SLC38A1: variants seen among roughly 807,000 people sequenced by gnomAD.
SLC38A1 encodes solute carrier family 38 member 1, also known as sodium-coupled neutral amino acid symporter 1.
Under a neutral mutation model 60.3 loss-of-function variants are expected in SLC38A1, and 18 were observed. The observed-to-expected ratio is 0.30, with a 90% CI of 0.21 to 0.44. The LOEUF (loss-of-function observed/expected upper bound fraction) is 0.44. SLC38A1 is among the 20% of genes least tolerant of loss of function. The pLI is 1.00. For synonymous variants in SLC38A1, 196 were observed against 212.1 expected (o/e 0.92, Z 0.66); for missense variants, 448 against 587.2 (o/e 0.76, Z 2.45).
intron 2 of SLC38A1, among the ~76,000 whole-genome samples, chr12:46,240,347 C>T (rs897351186): frequency 6.6e-6 from 1 of 152,184 alleles, no homozygotes; most frequent in African/African-American, 2.4e-5. Context: ...CAGGCATGCG[C>T]CACCACGCCT....
At chr12:46,241,612 T>C (rs1941451978) in intron 2 of SLC38A1, among the ~76,000 whole-genome samples, 1 of 152,110 alleles carries the variant, frequency 6.6e-6, no homozygotes, top group African/African-American at 2.4e-5. Context: ...CTAACCACAG[T>C]GGTGGTGCTA....
intron 9 of SLC38A1, 53 bp from the exon 10 acceptor site, chr12:46,204,643 T>C (rs1939813570): frequency 7.1e-7 from 1 of 1,415,848 alleles, no homozygotes; most frequent in African/African-American, 1.5e-5. Context: ...TTTTTAAAAA[T>C]TTTGGAGCTA....
intron 5 of SLC38A1, among the ~76,000 whole-genome samples, chr12:46,211,479 A>G (rs931177630): frequency 4.6e-5 from 7 of 152,244 alleles, no homozygotes; most frequent in African/African-American, 1.7e-4. Flanking sequence ...CAAAAGAAAC[A>G]TTCTAAGGAA....
chr12:46,268,922 G>C lies in SLC38A1; in HGVS notation c.-605C>G. 2 of 455,218 alleles carry C rather than the reference G, an allele frequency of 4.4e-6. No homozygotes were observed. Among genetic ancestry groups the C allele is most frequent in the Non-Finnish European group, 4.4e-6 (1 of 226,004 alleles). The allele number at this position is 455,218 out of a possible 1,614,324, so 28.2% of individuals were successfully genotyped here. A position where few individuals can be genotyped will look rare whatever the true frequency, so the allele number is the denominator to read the frequency against. On this transcript the variant is annotated 5_prime_UTR_variant, in exon 1 of 17. Coordinates refer to ENST00000398637, the MANE Select transcript of SLC38A1 (RefSeq NM_030674.4). This position sits in a 1 kb window ranked among gnomAD's most constrained non-coding sequence, Gnocchi z 4.4. Reference sequence around the variant, plus strand: ...CGGAGTCATTCTCCTACTGGGGGACGCGTGGCCCTTCCGCAACCATGGCTT... The same window carrying C: ...CGGAGTCATTCTCCTACTGGGGGACCCGTGGCCCTTCCGCAACCATGGCTT...
intron 4 of SLC38A1, 44 bp downstream of exon 4, chr12:46,229,520 A>G: frequency 6.9e-7 from 1 of 1,441,634 alleles, no homozygotes; most frequent in Non-Finnish European, 9.8e-7. Context: ...GTCCCAATTT[A>G]TATGATTAAA....
At chr12:46,195,275 A>G (rs1939317454) in intron 16 of SLC38A1, among the ~76,000 whole-genome samples, 1 of 152,218 alleles carries the variant, frequency 6.6e-6, no homozygotes, top group Non-Finnish European at 1.5e-5. Context: ...AAGGCTGCAG[A>G]ATAGCAAATA....
At chr12:46,193,839 G>A (rs112247400) in intron 16 of SLC38A1, among the ~76,000 whole-genome samples, 1 of 152,082 alleles carries the variant, frequency 6.6e-6, no homozygotes, top group Non-Finnish European at 1.5e-5. Flanking sequence ...TTGCAAATGA[G>A]ATGGGTCTCC....
chr12:46,217,156 G>A (rs1022312757), intron 5 of SLC38A1, among the ~76,000 whole-genome samples: 1 of 152,066 alleles, frequency 6.6e-6, no homozygotes, highest in Non-Finnish European at 1.5e-5. Flanking sequence ...TCACTTATGA[G>A]TAGTACTATT....
At chr12:46,224,797 T>C (rs1389972647) in intron 5 of SLC38A1, among the ~76,000 whole-genome samples, 1 of 152,234 alleles carries the variant, frequency 6.6e-6, no homozygotes, top group Non-Finnish European at 1.5e-5. Context: ...GAGATTTAGC[T>C]GAAGACTTGG....
intron 1 of SLC38A1, among the ~76,000 whole-genome samples, chr12:46,255,668 T>A (rs1565796431): frequency 1.3e-5 from 2 of 152,360 alleles, no homozygotes; most frequent in East Asian, 3.9e-4. Context: ...CAATGCTAAC[T>A]CTTTTACTTT....
intron 5 of SLC38A1, among the ~76,000 whole-genome samples, chr12:46,216,477 G>A (rs1340029760): frequency 6.6e-6 from 1 of 152,182 alleles, no homozygotes; most frequent in African/African-American, 2.4e-5. Flanking sequence ...TCTCAGTGAG[G>A]CTCGAGGACA....
At position 46,204,386 on chromosome 12, in the gene SLC38A1, A is replaced by C; in HGVS notation, c.737T>G (p.Ile246Ser). 1 of 1,613,658 alleles carries C rather than the reference A, an allele frequency of 6.2e-7. No individual in the cohort carries two copies. The highest frequency in any genetic ancestry group is 8.5e-7 in the Non-Finnish European group (1 of 1,179,650). ...TATTGTTGAATTTAGCTCTGGAACA[A>C]TGCAGGGAATTTGAAATTTCTTGTA... Reference protein sequence around the residue: ...VIYKKFQIPCIVPELNSTISA... With the variant: ...VIYKKFQIPCSVPELNSTISA... The change falls in exon 11 of 17, where the codon ATT becomes AGT. Residue 246 changes from isoleucine to serine, a missense_variant. Ile to Ser is a moderately radical substitution (Grantham distance 142, BLOSUM62 -2). Coordinates refer to ENST00000398637, the MANE Select transcript of SLC38A1 (RefSeq NM_030674.4).
chr12:46,206,292 C>G, intron 8 of SLC38A1, 130 bp from the exon 9 acceptor site: 1 of 513,628 alleles, frequency 1.9e-6, no homozygotes, highest in Non-Finnish European at 3.4e-6. Context: ...TTTTTAAAAT[C>G]ATTATTCAGG....
At position 46,185,321 on chromosome 12, in the gene SLC38A1, T is replaced by C. The variant is rs1323516631; in HGVS notation, c.*3649A>G. 2 of 152,166 alleles carry C rather than the reference T, an allele frequency of 1.3e-5. No individual in the cohort carries two copies. The highest frequency in any genetic ancestry group is 2.1e-4 in the South Asian group (1 of 4,818). The allele number at this position is 152,166 out of a possible 1,614,324, so 9.4% of individuals were successfully genotyped here. On this transcript the variant is annotated 3_prime_UTR_variant, in exon 17 of 17. Transcript: ENST00000398637. ...GAATCAAGCTCTAGAAAGCAGTCAG[T>C]TCCAGGGTAATAGTCTTAGGTGCTC...
At chr12:46,228,144 C>T (rs1940937681) in intron 5 of SLC38A1, among the ~76,000 whole-genome samples, 1 of 152,192 alleles carries the variant, frequency 6.6e-6, no homozygotes, top group South Asian at 2.1e-4. Flanking sequence ...AATTCACCAT[C>T]TTACACAGTC....
intron 13 of SLC38A1, among the ~76,000 whole-genome samples, chr12:46,200,693 G>A (rs183939345): frequency 1.3e-5 from 2 of 152,218 alleles, no homozygotes; most frequent in East Asian, 3.9e-4. Flanking sequence ...TTAACTCAGA[G>A]TGTCATGAGT....
chr12:46,191,783 C>T (rs1939156613), intron 16 of SLC38A1, among the ~76,000 whole-genome samples: 1 of 152,106 alleles, frequency 6.6e-6, no homozygotes, highest in South Asian at 2.1e-4. Context: ...GATTTTGTAT[C>T]CTGAGACTTT....
chr12:46,240,660 T>C (rs1034637412), intron 2 of SLC38A1, among the ~76,000 whole-genome samples: 5 of 152,190 alleles, frequency 3.3e-5, no homozygotes, highest in Non-Finnish European at 7.3e-5. Context: ...GCAACCCTGG[T>C]AGTCAACCAG....
intron 13 of SLC38A1, 37 bp downstream of exon 13, chr12:46,201,060 CA>C (rs1380888074): frequency 5.7e-6 from 8 of 1,393,994 alleles, no homozygotes; most frequent in Non-Finnish European, 8.0e-6. Flanking sequence ...AATTTGTTTA[CA>C]AATATTTATA....
Sources: gnomAD v4.1 joint callset for allele counts (sites outside exome capture counted in the v4.1 genomes callset) on GRCh38, gnomAD v4.1.1 for gene constraint, Gnocchi (gnomAD v3.1) non-coding constraint, MANE v1.5 for transcripts, NCBI Gene and HGNC (gene_info 2026-07-23, HGNC 2026-07-21) for gene names.